The following PLXNA1 variants were observed in gnomAD, a reference collection of about 807,000 sequenced individuals.
PLXNA1 encodes plexin A1.
PLXNA1 carries 77 observed loss-of-function variants against 191.7 expected under a neutral mutation model. The observed-to-expected ratio is 0.40, with a 90% CI of 0.33 to 0.49. The LOEUF (loss-of-function observed/expected upper bound fraction) is 0.49. Among genes scored for constraint, PLXNA1 ranks in the 20% least tolerant of loss-of-function variants. The probability of loss-of-function intolerance (pLI) is 0.63; values close to 1 mark genes in which losing one functional copy is unlikely to be tolerated. For missense variants in PLXNA1, 2,110 were observed against 2,660.2 expected, an observed-to-expected ratio of 0.79 and a Z score of 4.55; for synonymous variants, 1,137 against 1,156.4, an observed-to-expected ratio of 0.98 and a Z score of 0.34.
intron 5 of PLXNA1, 74 bp downstream of exon 5, chr3:127,004,785 G>A (rs1432666311): frequency 2.5e-6 from 4 of 1,596,300 alleles, no homozygotes; most frequent in East Asian, 2.2e-5. Context: ...GGGGAGCCTG[G>A]TGCAGGGCAA....
rs757702830 is a variant in PLXNA1 at position 127,017,886 on chromosome 3, G to A, written c.3654G>A (p.Lys1218=). Residue 1218 remains lysine, a synonymous_variant, in exon 19 of 32, where the codon AAG becomes AAA. Transcript: ENST00000393409. ...CEAPNLTGQH[K]VTVRAGGFEF... is the part of the protein sequence containing the mutation. Reference sequence around the variant, plus strand: ...CGCCCAACCTCACTGGGCAGCACAAGGTCACGGTGCGTCTGTCCACCGGGG... The same window carrying A: ...CGCCCAACCTCACTGGGCAGCACAAAGTCACGGTGCGTCTGTCCACCGGGG... The A allele has an allele frequency of 6.2e-7, 1 of 1,612,400 alleles. No homozygotes were observed. Among genetic ancestry groups the A allele is most frequent in the South Asian group, 1.1e-5 (1 of 91,056 alleles).
At position 127,000,675 on chromosome 3, in the gene PLXNA1, C is replaced by T. The variant is rs190606857; in HGVS notation, c.1378-2655C>T. On this transcript the variant is annotated intron_variant, in intron 3 of 31. Transcript: ENST00000393409. ...CTCCTGTCTGTGTGGTTTGATAAAGCTGGCTTGGCTGCACAGGCCCTTCAC... is the reference window on the plus strand; with the variant it reads ...CTCCTGTCTGTGTGGTTTGATAAAGTTGGCTTGGCTGCACAGGCCCTTCAC... Among the ~76,000 whole-genome samples the T allele has an allele frequency of 9.5e-3, 1,441 of 152,330 alleles. 6 individuals carry two copies. The highest frequency in any genetic ancestry group is 0.014 in the Non-Finnish European group (925 of 68,018).
rs2079238756 is a variant in PLXNA1 at position 127,035,723 on chromosome 3, ACT to A, written c.*1708_*1709del. ...TTAAGGGACAGCTAACTGTGGCCAG[ACT>A]CAGCCCCATGTCCTTGGCCAGGCCC... is the stretch of plus-strand genomic sequence containing the variant. On this transcript the variant is annotated 3_prime_UTR_variant, in exon 32 of 32. Coordinates refer to ENST00000393409, the MANE Select transcript of PLXNA1 (RefSeq NM_032242.4). 1 of 152,370 alleles carries A rather than the reference ACT, an allele frequency of 6.6e-6. No individual in the cohort carries two copies. The allele number at this position is 152,370 out of a possible 1,614,324, so 9.4% of individuals were successfully genotyped here. A position where few individuals can be genotyped will look rare whatever the true frequency, so the allele number is the denominator to read the frequency against.
Position 126,988,638 on chromosome 3 carries a change from GC to G in PLXNA1, c.46del (p.Leu16CysfsTer39). 2 of 1,576,134 alleles carry G rather than the reference GC, an allele frequency of 1.3e-6. No homozygotes were observed. Among genetic ancestry groups the G allele is most frequent in the Non-Finnish European group, 8.6e-7 (1 of 1,161,324 alleles). ...RSLQVLLLLL[L>X]LLLLLPGMWA... ...GCCTGCAGGTGCTCCTGCTGCTGCTGCTGTTGCTGCTGCTGCTGCCGGGCAT... is the reference window on the plus strand; with the variant it reads ...GCCTGCAGGTGCTCCTGCTGCTGCTGTGTTGCTGCTGCTGCTGCCGGGCAT... On this transcript the variant is annotated frameshift_variant, in exon 2 of 32. Coordinates refer to ENST00000393409, the MANE Select transcript of PLXNA1 (RefSeq NM_032242.4). LOFTEE classifies it high-confidence loss of function.
chr3:126,984,729 G>A (rs555509796), intron 1 of PLXNA1, among the ~76,000 whole-genome samples: 3 of 152,320 alleles, frequency 2.0e-5, no homozygotes, highest in African/African-American at 7.2e-5. Flanking sequence ...GACACATGAG[G>A]TGCCTGTGGA....
intron 23 of PLXNA1, among the ~76,000 whole-genome samples, chr3:127,024,817 C>T (rs1350046206): frequency 2.0e-5 from 3 of 152,132 alleles, no homozygotes; most frequent in Non-Finnish European, 2.9e-5. Flanking sequence ...CTGAGATGGG[C>T]CTAGGGCTGT....
chr3:126,986,342 G>A (rs897605777), intron 1 of PLXNA1, among the ~76,000 whole-genome samples: 1 of 152,200 alleles, frequency 6.6e-6, no homozygotes, highest in African/African-American at 2.4e-5. Context: ...GGCGCTGTCC[G>A]GCAAAGGCAG....
At position 127,011,818 on chromosome 3, in the gene PLXNA1, C is replaced by T. The variant is rs1012727884; in HGVS notation, c.2113-140C>T. 3.9e-5 allele frequency: 31 copies of T among 789,580 alleles called. No homozygotes were observed. The Admixed American group carries it at 4.3e-4, about 11-fold the overall frequency. The allele number at this position is 789,580 out of a possible 1,614,324, so 48.9% of individuals were successfully genotyped here. On this transcript the variant is annotated intron_variant, in intron 9 of 31. Transcript: ENST00000393409. ...AGTCACTGTCCCAGCCAGCGGTCCT[C>T]AGTTTGCCAGTGCATAAAATGGGCA...
In PLXNA1 at chr3:126,989,291, C is replaced by T. The variant is rs371408874; in HGVS notation, c.698C>T (p.Ser233Leu). ...EFVSSQLKIP[S>L]DTLSKFPAFD... ...GTGTCATCACAGCTCAAGATCCCTTCGGACACGCTGTCCAAGTTCCCGGCC... is the reference window on the plus strand; with the variant it reads ...GTGTCATCACAGCTCAAGATCCCTTTGGACACGCTGTCCAAGTTCCCGGCC... The change falls in exon 2 of 32, where the codon TCG (serine) becomes TTG (leucine). Residue 233 changes from serine to leucine, a missense_variant. By Grantham distance (145) the Ser-to-Leu change is moderately radical (BLOSUM62 -2). Around this residue, in one of 4 missense-constraint regions of PLXNA1, gnomAD observed 903 missense variants for 1,015.7 expected, o/e 0.89. Coordinates refer to ENST00000393409, the MANE Select transcript of PLXNA1 (RefSeq NM_032242.4). 3 of 1,613,710 alleles carry T rather than the reference C, an allele frequency of 1.9e-6. No homozygotes were observed. Among genetic ancestry groups the T allele is most frequent in the Non-Finnish European group, 1.7e-6 (2 of 1,180,050 alleles).
intron 23 of PLXNA1, chr3:127,027,656 G>GTCA (rs773840643): frequency 8.0e-5 from 46 of 577,250 alleles, no homozygotes; most frequent in Non-Finnish European, 2.0e-5. Context: ...CAGGTCCCGC[G>GTCA]TGCCACGCCA....
At chr3:127,027,843 T>C (rs2079184046) in intron 23 of PLXNA1, 97 bp from the exon 24 acceptor site, 1 of 1,532,770 alleles carries the variant, frequency 6.5e-7, no homozygotes, top group African/African-American at 1.4e-5. Context: ...CATTTCTCCT[T>C]GCCAGGAACA....
intron 3 of PLXNA1, among the ~76,000 whole-genome samples, chr3:127,002,272 T>C (rs957314018): frequency 6.6e-6 from 1 of 152,172 alleles, no homozygotes; most frequent in African/African-American, 2.4e-5. Context: ...GCCTGCTTGG[T>C]GGCGAGGCAG....
At chr3:127,028,892 G>A in intron 25 of PLXNA1, 101 bp from the exon 26 acceptor site, 1 of 813,064 alleles carries the variant, frequency 1.2e-6, no homozygotes, top group Admixed American at 2.2e-5. Flanking sequence ...CCCTGTGCTG[G>A]TGCTGAGAGC....
rs751485086 is a variant in PLXNA1, at chr3:127,005,246, G to A, written c.1897+3G>A. 1 of 1,601,784 alleles carries A rather than the reference G, an allele frequency of 6.2e-7. No individual in the cohort carries two copies. The highest frequency in any genetic ancestry group is 1.3e-5 in the African/African-American group (1 of 74,766). On this transcript the variant is annotated splice_donor_region_variant and intron_variant, in intron 7 of 31. Transcript: ENST00000393409. ...GGCGCCCATCACGCGGGGCCAGGGTGAGTGGCCCCAACACAATGGTGCCCG... is the reference window on the plus strand; with the variant it reads ...GGCGCCCATCACGCGGGGCCAGGGTAAGTGGCCCCAACACAATGGTGCCCG...
intron 1 of PLXNA1, 49 bp from the exon 2 acceptor site, chr3:126,988,471 TG>T: frequency 1.2e-6 from 1 of 861,810 alleles, no homozygotes; most frequent in Non-Finnish European, 1.7e-6. Context: ...CATAATATCA[TG>T]GGATGGGCCA....
At chr3:126,985,470 C>G (rs1337609096) in intron 1 of PLXNA1, among the ~76,000 whole-genome samples, 1 of 152,128 alleles carries the variant, frequency 6.6e-6, no homozygotes, top group Non-Finnish European at 1.5e-5. Flanking sequence ...GTTTCCCACC[C>G]CAGGCCTTTG....
intron 3 of PLXNA1, among the ~76,000 whole-genome samples, chr3:126,993,533 C>A (rs1263061824): frequency 6.6e-6 from 1 of 152,156 alleles, no homozygotes; most frequent in Non-Finnish European, 1.5e-5. Flanking sequence ...CGGGCCCCCA[C>A]CCCTCAGAGC....
chr3:126,983,628 G>A (rs2078942704), intron 1 of PLXNA1, among the ~76,000 whole-genome samples: 1 of 148,838 alleles, frequency 6.7e-6, no homozygotes, highest in East Asian at 2.0e-4. Context: ...CCCCGGCCGG[G>A]CCCGCCGAGC....
intron 2 of PLXNA1, among the ~76,000 whole-genome samples, chr3:126,990,325 G>A (rs2078984123): frequency 1.3e-5 from 2 of 152,242 alleles, no homozygotes; most frequent in Admixed American, 1.3e-4. Flanking sequence ...CCAGCAATGG[G>A]AGCTGATGGT....
Sources: gnomAD v4.1 joint callset for allele counts (sites outside exome capture counted in the v4.1 genomes callset) on GRCh38, gnomAD v4.1.1 for gene constraint, gnomAD v4.1.1 regional missense constraint, MANE v1.5 for transcripts, NCBI Gene and HGNC (gene_info 2026-07-23, HGNC 2026-07-21) for gene names.